The following MPPED2 variants were observed in gnomAD, a reference collection of about 807,000 sequenced individuals.
MPPED2 encodes the protein metallophosphoesterase MPPED2.
Under a neutral mutation model 33.0 loss-of-function variants are expected in MPPED2, and 5 were observed. That is an observed-to-expected ratio of 0.15 (90% CI 0.08 to 0.32). The LOEUF is 0.32. Among genes scored for constraint, MPPED2 ranks in the 10% least tolerant of loss-of-function variants. The pLI, the probability that MPPED2 is intolerant of heterozygous loss-of-function variation, is 1.00. For missense variants in MPPED2, 275 were observed against 372.1 expected (o/e 0.74, Z 2.15); for synonymous variants, 136 against 141.9 (o/e 0.96, Z 0.29).
At chr11:30,394,668 T>C (rs1174521118) in intron 6 of MPPED2, among the ~76,000 whole-genome samples, 2 of 152,206 alleles carry the variant, frequency 1.3e-5, no homozygotes, top group South Asian at 4.1e-4. Context: ...TTGTTTGATA[T>C]GTGATGTGAA....
At chr11:30,574,841 T>C (rs943213924) in intron 2 of MPPED2, among the ~76,000 whole-genome samples, 1 of 152,152 alleles carries the variant, frequency 6.6e-6, no homozygotes, top group African/African-American at 2.4e-5. Flanking sequence ...TATATGAAAG[T>C]ATAAGAAATA....
At chr11:30,431,666 T>G (rs899315360) in intron 4 of MPPED2, among the ~76,000 whole-genome samples, 2 of 152,250 alleles carry the variant, frequency 1.3e-5, no homozygotes, top group Admixed American at 1.3e-4. Flanking sequence ...TTTCACTTTC[T>G]AGAATCTTCT....
intron 2 of MPPED2, among the ~76,000 whole-genome samples, chr11:30,544,448 C>G (rs955403275): frequency 3.3e-5 from 5 of 152,166 alleles, no homozygotes; most frequent in African/African-American, 1.2e-4. Context: ...TACCTGTGTA[C>G]CAGGTACCCT....
chr11:30,512,296 C>T (rs1590653441), intron 3 of MPPED2, among the ~76,000 whole-genome samples: 1 of 152,038 alleles, frequency 6.6e-6, no homozygotes, highest in Non-Finnish European at 1.5e-5. Context: ...CATTCAGTGG[C>T]CTTGATGGGA....
intron 3 of MPPED2, among the ~76,000 whole-genome samples, chr11:30,503,143 T>G (rs999442512): frequency 3.9e-5 from 6 of 152,112 alleles, no homozygotes; most frequent in Non-Finnish European, 7.4e-5. Context: ...GGTCTCATGA[T>G]AGTAAGTTCT....
chr11:30,457,967 T>C (rs1043677391), intron 4 of MPPED2, among the ~76,000 whole-genome samples: 6 of 152,174 alleles, frequency 3.9e-5, no homozygotes, highest in Admixed American at 2.0e-4. Flanking sequence ...ACCAAATACT[T>C]ATCGGGCAGG....
chr11:30,448,751 C>T (rs900199104), intron 4 of MPPED2, among the ~76,000 whole-genome samples: 2 of 151,270 alleles, frequency 1.3e-5, no homozygotes, highest in South Asian at 2.1e-4. Flanking sequence ...CTTGGCTCAC[C>T]GCAACCTCCG....
chr11:30,482,456 T>A (rs1405192685), intron 4 of MPPED2, among the ~76,000 whole-genome samples: 1 of 152,206 alleles, frequency 6.6e-6, no homozygotes, highest in Non-Finnish European at 1.5e-5. Context: ...GAGTATGTGG[T>A]TAACTGAGGA....
chr11:30,436,255 T>G (rs775872616), intron 4 of MPPED2, among the ~76,000 whole-genome samples: 3 of 152,102 alleles, frequency 2.0e-5, no homozygotes, highest in Non-Finnish European at 2.9e-5. Context: ...TTGATAAATA[T>G]TTATGGAATG....
intron 2 of MPPED2, among the ~76,000 whole-genome samples, chr11:30,543,929 A>G (rs1190833522): frequency 1.3e-5 from 2 of 151,754 alleles, no homozygotes; most frequent in Non-Finnish European, 1.5e-5. Flanking sequence ...TCACATTTGT[A>G]CCACAGGCAC....
At chr11:30,552,508 CT>C (rs1164749940) in intron 2 of MPPED2, among the ~76,000 whole-genome samples, 1 of 152,170 alleles carries the variant, frequency 6.6e-6, no homozygotes, top group Non-Finnish European at 1.5e-5. Context: ...TTTCATCTTT[CT>C]GCTATGCATT....
At chr11:30,394,280 T>C (rs1162829909) in intron 6 of MPPED2, among the ~76,000 whole-genome samples, 1 of 152,180 alleles carries the variant, frequency 6.6e-6, no homozygotes, top group Non-Finnish European at 1.5e-5. Context: ...CTCTCTAGGG[T>C]AAATATTCAG....
At chr11:30,562,428 C>A (rs904782384) in intron 2 of MPPED2, among the ~76,000 whole-genome samples, 2 of 152,170 alleles carry the variant, frequency 1.3e-5, no homozygotes, top group African/African-American at 4.8e-5. Context: ...CTTTCCATCA[C>A]AGGCTGCCTC....
intron 2 of MPPED2, among the ~76,000 whole-genome samples, chr11:30,555,476 C>G (rs1955921478): frequency 6.6e-6 from 1 of 152,178 alleles, no homozygotes; most frequent in Non-Finnish European, 1.5e-5. Context: ...CAAATCTCAT[C>G]TTTAATCGTA....
chr11:30,543,513 G>A (rs138769388), intron 2 of MPPED2, among the ~76,000 whole-genome samples: 23 of 152,250 alleles, frequency 1.5e-4, no homozygotes, highest in African/African-American at 5.3e-4. Context: ...AACAATTCAG[G>A]TTCTGAAGTC....
chr11:30,473,261 A>T (rs1951030560), intron 4 of MPPED2, among the ~76,000 whole-genome samples: 1 of 152,018 alleles, frequency 6.6e-6, no homozygotes. Flanking sequence ...TTATTTTCTC[A>T]GCTTGTTTCT....
At chr11:30,406,619 ATT>A (rs1420924449), downstream of MPPED2, among the ~76,000 whole-genome samples, 2 of 152,222 alleles carry the variant, frequency 1.3e-5, no homozygotes, top group Admixed American at 1.3e-4. Flanking sequence ...ACATCCTGCT[ATT>A]GAATGCAAGA....
At chr11:30,417,267 G>A (rs931977355) in intron 5 of MPPED2, among the ~76,000 whole-genome samples, 2 of 152,040 alleles carry the variant, frequency 1.3e-5, no homozygotes, top group African/African-American at 4.8e-5. Context: ...GAAGACTGTG[G>A]CACACCATAC....
intron 2 of MPPED2, among the ~76,000 whole-genome samples, chr11:30,577,931 A>G (rs1956999036): frequency 6.6e-6 from 1 of 152,242 alleles, no homozygotes. Context: ...CCTGCTCAGA[A>G]GAACAAGCCT....
Sources: gnomAD v4.1 joint callset for allele counts (sites outside exome capture counted in the v4.1 genomes callset) on GRCh38, gnomAD v4.1.1 for gene constraint, MANE v1.5 for transcripts, NCBI Gene and HGNC (gene_info 2026-07-23, HGNC 2026-07-21) for gene names.